The following GDA variants were observed in gnomAD, a reference collection of about 807,000 sequenced individuals.
The protein encoded by GDA is guanine deaminase.
In GDA, 18 loss-of-function variants were observed where a neutral mutation model predicts 59.6. The ratio of observed to expected loss-of-function variants is 0.30; its 90% confidence interval spans 0.21 to 0.45. The LOEUF is 0.45. Among genes scored for constraint, GDA ranks in the 20% least tolerant of loss-of-function variants. The pLI is 1.00. For synonymous variants in GDA, 201 were observed against 201.1 expected (o/e 1.00, Z 0.00); for missense variants, 427 against 552.3 (o/e 0.77, Z 2.27).
chr9:72,207,319 G>GT (rs1834843023), intron 3 of GDA, among the ~76,000 whole-genome samples: 3 of 151,924 alleles, frequency 2.0e-5, no homozygotes, highest in Non-Finnish European at 4.4e-5. Context: ...TGAAACTTCT[G>GT]TTCTGTTTTC....
At chr9:72,207,374 A>G (rs1834850524) in intron 3 of GDA, among the ~76,000 whole-genome samples, 1 of 152,226 alleles carries the variant, frequency 6.6e-6, no homozygotes, top group Non-Finnish European at 1.5e-5. Flanking sequence ...AGGAAATGGT[A>G]TGGGCCAGTT....
chr9:72,222,205 A>G (rs1344433753), intron 6 of GDA, among the ~76,000 whole-genome samples: 1 of 152,178 alleles, frequency 6.6e-6, no homozygotes, highest in Non-Finnish European at 1.5e-5. Flanking sequence ...TTTTCTCCAC[A>G]ACCTCACCAG....
intron 1 of GDA, among the ~76,000 whole-genome samples, chr9:72,179,101 A>G (rs1830868672): frequency 6.6e-6 from 1 of 151,950 alleles, no homozygotes; most frequent in East Asian, 1.9e-4. Flanking sequence ...CTATTAATCA[A>G]CCTTTTAAGT....
At chr9:72,196,047 T>C (rs986618607) in intron 2 of GDA, among the ~76,000 whole-genome samples, 4 of 152,060 alleles carry the variant, frequency 2.6e-5, no homozygotes, top group Admixed American at 1.3e-4. Context: ...GGAAAGAAAA[T>C]TTGAGAATCA....
intron 1 of GDA, among the ~76,000 whole-genome samples, chr9:72,170,941 C>T (rs1324086265): frequency 1.3e-5 from 2 of 152,158 alleles, no homozygotes; most frequent in African/African-American, 4.8e-5. Flanking sequence ...CTCAGCCTCC[C>T]AAGTACCTGG....
At chr9:72,202,478 A>G (rs1587623811) in intron 2 of GDA, 93 bp from the exon 3 acceptor site, 1 of 804,364 alleles carries the variant, frequency 1.2e-6, no homozygotes, top group Non-Finnish European at 2.0e-6. Flanking sequence ...GTGGGTGAAC[A>G]GTGAAATCAT....
chr9:72,219,175 A>C (rs1405346793), intron 5 of GDA, among the ~76,000 whole-genome samples: 1 of 152,090 alleles, frequency 6.6e-6, no homozygotes, highest in Non-Finnish European at 1.5e-5. Flanking sequence ...GAAGCCGAGG[A>C]GGGCGGATCA....
chr9:72,207,953 A>G (rs1834917855), intron 3 of GDA, among the ~76,000 whole-genome samples: 1 of 151,952 alleles, frequency 6.6e-6, no homozygotes, highest in East Asian at 1.9e-4. Flanking sequence ...TAAAAAAAAA[A>G]TAGCTAGGCA....
intron 1 of GDA, among the ~76,000 whole-genome samples, chr9:72,137,242 C>CTTTTTTTTTTTTTTTTTTT (rs143364725): frequency 2.4e-5 from 2 of 84,506 alleles, no homozygotes; most frequent in Non-Finnish European, 4.2e-5. Context: ...TTCTTTTTTT[C>CTTTTTTTTTTTTTTTTTTT]TTTTTTTTTT....
chr9:72,116,637 G>A (rs62561326), intron 1 of GDA, among the ~76,000 whole-genome samples: 23,875 of 151,820 alleles, frequency 0.16, 2,479 homozygotes, highest in East Asian at 0.51. Context: ...CACCTGCCTC[G>A]GCCTCCCAAA....
chr9:72,257,370 C>G (rs1189886423), downstream of GDA: 1 of 152,158 alleles, frequency 6.6e-6, no homozygotes, highest in Non-Finnish European at 1.5e-5. Context: ...AAGAGCCCAG[C>G]CTAAAATCCT....
At chr9:72,247,766 G>C (rs1840305649) in intron 13 of GDA, among the ~76,000 whole-genome samples, 1 of 152,162 alleles carries the variant, frequency 6.6e-6, no homozygotes, top group Admixed American at 6.5e-5. Context: ...CAAATGTATA[G>C]TAGAGTCTCA....
rs769274043 is a variant in GDA at position 72,213,968 on chromosome 9, G to A, written c.555G>A (p.Glu185=). Residue 185 remains glutamate, a synonymous_variant, in exon 5 of 14, where the codon GAG becomes GAA. Transcript: ENST00000358399. ...DTFPEYKETT[E]ESIKETERFV... The stretch of plus-strand genomic sequence containing the variant: ...TTCCAGAATACAAGGAGACCACTGA[G>A]GAATCGATCAAGGAAACTGAGAGGT... The A allele has an allele frequency of 1.2e-6, 2 of 1,602,510 alleles. No homozygotes were observed. The highest frequency in any genetic ancestry group is 2.2e-5 in the South Asian group (2 of 90,828).
Position 72,140,748 on chromosome 9 carries a change from C to T in GDA, c.-100+25915C>T, listed in dbSNP as rs527915342. ...TAACTAAAAGGAAGTACATACCTCA[C>T]GGCACCAAAATGTTAAATGCCATTC... On this transcript the variant is annotated intron_variant, in intron 1 of 13. Coordinates refer to the GDA transcript ENST00000545168. Among the ~76,000 whole-genome samples, 14 of 152,280 alleles carry T rather than the reference C, an allele frequency of 9.2e-5. No individual in the cohort carries two copies. In the East Asian group the frequency reaches 9.7e-4, roughly 11 times the overall value.
At chr9:72,225,272 C>A (rs995579384) in intron 7 of GDA, among the ~76,000 whole-genome samples, 2 of 152,104 alleles carry the variant, frequency 1.3e-5, no homozygotes, top group African/African-American at 4.8e-5. Flanking sequence ...CAGAGCCAGA[C>A]CCTATCTCAA....
At chr9:72,237,170 T>C (rs1431960131) in intron 10 of GDA, among the ~76,000 whole-genome samples, 2 of 152,064 alleles carry the variant, frequency 1.3e-5, no homozygotes, top group African/African-American at 4.8e-5. Flanking sequence ...AGAGTGGGGA[T>C]CCACACTGGC....
intron 10 of GDA, among the ~76,000 whole-genome samples, chr9:72,234,849 C>T (rs961938030): frequency 2.2e-4 from 34 of 152,086 alleles, no homozygotes; most frequent in Non-Finnish European, 4.1e-4. Context: ...TTTGTTGGCA[C>T]ACAAAATACC....
chr9:72,141,514 T>C (rs1826440255), intron 1 of GDA, among the ~76,000 whole-genome samples: 1 of 152,226 alleles, frequency 6.6e-6, no homozygotes, highest in South Asian at 2.1e-4. Context: ...AGTTGGTTTT[T>C]ACTTTCTGTA....
chr9:72,157,196 T>G (rs1299558534), intron 1 of GDA, among the ~76,000 whole-genome samples: 3 of 151,970 alleles, frequency 2.0e-5, no homozygotes, highest in Non-Finnish European at 2.9e-5. Flanking sequence ...CTCACCACCA[T>G]GGCCAGCTAA....
Sources: allele counts gnomAD v4.1 joint callset (sites outside exome capture counted in the v4.1 genomes callset), GRCh38; gene constraint gnomAD v4.1.1; transcripts MANE v1.5; gene names NCBI Gene and HGNC (gene_info 2026-07-23, HGNC 2026-07-21).